Variants in EML6 observed in about 807,000 individuals in gnomAD.
EML6 encodes the protein EMAP like 6.
In EML6, 154 loss-of-function variants were observed where a neutral mutation model predicts 240.1. That is an observed-to-expected ratio of 0.64 (90% CI 0.56 to 0.73). The LOEUF (loss-of-function observed/expected upper bound fraction) is 0.73, where lower values mean the gene tolerates loss of function less well. Among genes scored for constraint, EML6 ranks in the 30% least tolerant of loss-of-function variants. EML6 has a pLI of 0.00. For missense variants in EML6, 2,964 were observed against 2,474.6 expected (o/e 1.20, Z -4.20); for synonymous variants, 1,148 against 899.0 (o/e 1.28, Z -4.95).
At chr2:54,898,188 C>T (rs1373241121) in intron 21 of EML6, among the ~76,000 whole-genome samples, 1 of 152,018 alleles carries the variant, frequency 6.6e-6, no homozygotes, top group Non-Finnish European at 1.5e-5. Context: ...GATCCTAAGC[C>T]CATTTCCTTG....
chr2:54,791,021 G>C (rs937313180), intron 2 of EML6, among the ~76,000 whole-genome samples: 14 of 152,188 alleles, frequency 9.2e-5, no homozygotes, highest in African/African-American at 3.1e-4. Context: ...CACCGCGCCC[G>C]GCCGGTAACT....
At chr2:54,916,962 C>T in intron 26 of EML6, 27 bp downstream of exon 26, 1 of 1,489,898 alleles carries the variant, frequency 6.7e-7, no homozygotes, top group Non-Finnish European at 9.1e-7. Context: ...ATTATCTTTA[C>T]TTGCTCAGTC....
chr2:54,823,528 C>A (rs530427791), intron 5 of EML6, among the ~76,000 whole-genome samples: 13 of 152,156 alleles, frequency 8.5e-5, no homozygotes, highest in African/African-American at 3.1e-4. Flanking sequence ...ATCACGGGTT[C>A]CTTAGCAATG....
At chr2:54,751,905 C>T (rs7568885) in intron 2 of EML6, among the ~76,000 whole-genome samples, 1 of 152,068 alleles carries the variant, frequency 6.6e-6, no homozygotes, top group South Asian at 2.1e-4. Flanking sequence ...GGGTGATAGG[C>T]CTTTGGGTTT....
chr2:54,872,589 T>C (rs979272166), intron 16 of EML6, among the ~76,000 whole-genome samples: 1 of 152,226 alleles, frequency 6.6e-6, no homozygotes. Context: ...GGATTCCCCT[T>C]GGTTGGCTGA....
In EML6 at chr2:54,892,531, C is replaced by T. The variant is rs1014447423; in HGVS notation, c.2617C>T (p.Arg873Ter). ...LETMMCVSYG[R>*]MEDLVFSGAA... is the part of the protein sequence containing the mutation. Reference sequence around the variant, plus strand: ...AACAATGATGTGTGTTTCTTACGGACGAATGGAAGATCTAGTGTTCTCAGG... The same window carrying T: ...AACAATGATGTGTGTTTCTTACGGATGAATGGAAGATCTAGTGTTCTCAGG... Residue 873 changes from arginine (R) to a stop codon, truncating the protein, a stop_gained, in exon 19 of 42, where the codon CGA becomes TGA. Coordinates refer to ENST00000356458, the MANE Select transcript of EML6 (RefSeq NM_001039753.4). LOFTEE classifies it high-confidence loss of function. 3.9e-6 allele frequency: 6 copies of T among 1,551,154 alleles called. No individual in the cohort carries two copies. The highest frequency in any genetic ancestry group is 3.5e-6 in the Non-Finnish European group (4 of 1,146,632).
chr2:54,954,246 A>G lies in EML6; in HGVS notation c.4486+90A>G. 4 of 1,173,282 alleles carry G rather than the reference A, an allele frequency of 3.4e-6. No homozygotes were observed. In the East Asian group the frequency reaches 1.0e-4, roughly 30 times the overall value. The allele number at this position is 1,173,282 out of a possible 1,614,324, so 72.7% of individuals were successfully genotyped here. On this transcript the variant is annotated intron_variant, in intron 32 of 41. Coordinates refer to ENST00000356458, the MANE Select transcript of EML6 (RefSeq NM_001039753.4). ...TCGAACCCAGATCTGCCTCACTCCGAAGCCTGCCGTAGGCACTGACTGCTG... is the reference window on the plus strand; with the variant it reads ...TCGAACCCAGATCTGCCTCACTCCGGAGCCTGCCGTAGGCACTGACTGCTG...
chr2:54,854,977 T>C (rs1473917450), intron 11 of EML6, among the ~76,000 whole-genome samples: 1 of 152,252 alleles, frequency 6.6e-6, no homozygotes, highest in Non-Finnish European at 1.5e-5. Flanking sequence ...TACTGGTCTC[T>C]AGTGTCAGAA....
At chr2:54,817,959 C>A (rs1668152538) in intron 4 of EML6, among the ~76,000 whole-genome samples, 1 of 151,844 alleles carries the variant, frequency 6.6e-6, no homozygotes, top group African/African-American at 2.4e-5. Flanking sequence ...AGGCCTGGTA[C>A]CCCTCTCGTC....
At chr2:54,814,538 CTG>C (rs2104060985) in intron 3 of EML6, among the ~76,000 whole-genome samples, 1 of 152,342 alleles carries the variant, frequency 6.6e-6, no homozygotes, top group East Asian at 1.9e-4. Context: ...CACCCTTCCT[CTG>C]TCTCTCTCAC....
In EML6 at chr2:54,964,581, G is replaced by A. The variant is rs1205409199; in HGVS notation, c.5341G>A (p.Asp1781Asn). 6.4e-7 allele frequency: 1 copy of A among 1,552,246 alleles called. No homozygotes were observed. Among genetic ancestry groups the A allele is most frequent in the Non-Finnish European group, 8.7e-7 (1 of 1,147,128 alleles). Residue 1781 changes from aspartate (D) to asparagine (N), a missense_variant, in exon 38 of 42, where the codon GAC (aspartate) becomes AAC (asparagine). By Grantham distance (23) the Asp-to-Asn change is conservative (BLOSUM62 1). Transcript: ENST00000356458. ...SAIQDIRISPDNRFLAVGSSE... is the reference protein window; with the variant it reads ...SAIQDIRISPNNRFLAVGSSE... ...GATTGCTTTTTCTAGAATCAGCCCA[G>A]ACAACCGATTCTTAGCCGTTGGTTC...
chr2:54,815,535 A>G (rs1344411083), intron 3 of EML6, among the ~76,000 whole-genome samples: 1 of 152,144 alleles, frequency 6.6e-6, no homozygotes, highest in Non-Finnish European at 1.5e-5. Context: ...CAGTGCCCCT[A>G]TTTGTGTTCA....
intron 2 of EML6, among the ~76,000 whole-genome samples, chr2:54,791,840 C>G (rs1486894934): frequency 1.3e-5 from 2 of 152,184 alleles, no homozygotes; most frequent in African/African-American, 4.8e-5. Flanking sequence ...TTTCTCCTCT[C>G]TGGCTTTGGT....
Position 54,928,334 on chromosome 2 carries a change from A to C in EML6, c.3697A>C (p.Lys1233Gln), listed in dbSNP as rs766528357. The change falls in exon 27 of 42, where the codon AAG (lysine) becomes CAG (glutamine). Residue 1233 changes from lysine to glutamine, a missense_variant. Coordinates refer to ENST00000356458, the MANE Select transcript of EML6 (RefSeq NM_001039753.4). ...PVKGQHARFK[K>Q]YVGHSAHVTN... ...ACAGGGACAGCACGCAAGATTCAAGAAGTATGTGGGGCACAGTGCACATGT... is the reference window on the plus strand; with the variant it reads ...ACAGGGACAGCACGCAAGATTCAAGCAGTATGTGGGGCACAGTGCACATGT... The C allele has an allele frequency of 5.8e-6, 9 of 1,552,078 alleles. No homozygotes were observed. The highest frequency in any genetic ancestry group is 7.8e-6 in the Non-Finnish European group (9 of 1,147,070).
chr2:54,966,490 C>A (rs1021869921), intron 38 of EML6, among the ~76,000 whole-genome samples: 1 of 152,168 alleles, frequency 6.6e-6, no homozygotes, highest in Non-Finnish European at 1.5e-5. Context: ...CCCAGAGCAC[C>A]GAGGTTCAGG....
chr2:54,800,018 A>G (rs1199904021), intron 2 of EML6, among the ~76,000 whole-genome samples: 1 of 152,072 alleles, frequency 6.6e-6, no homozygotes, highest in Non-Finnish European at 1.5e-5. Context: ...GGCTTGAGGC[A>G]GGTGGATCAT....
chr2:54,944,750 A>G (rs1007944733), intron 28 of EML6, among the ~76,000 whole-genome samples: 1 of 152,024 alleles, frequency 6.6e-6, no homozygotes, highest in South Asian at 2.1e-4. Flanking sequence ...AATCCTTTCC[A>G]TCACCCCATC....
intron 4 of EML6, among the ~76,000 whole-genome samples, chr2:54,818,532 C>T (rs1668181868): frequency 6.6e-6 from 1 of 152,238 alleles, no homozygotes; most frequent in Admixed American, 6.5e-5. Context: ...TATGCCTGCC[C>T]AGTTGCAGAG....
At chr2:54,840,393 G>A (rs1409432977) in intron 7 of EML6, among the ~76,000 whole-genome samples, 2 of 152,198 alleles carry the variant, frequency 1.3e-5, no homozygotes. Context: ...GTCTATATCT[G>A]TATACAATGT....
Sources: allele counts gnomAD v4.1 joint callset (sites outside exome capture counted in the v4.1 genomes callset), GRCh38; gene constraint gnomAD v4.1.1; transcripts MANE v1.5; gene names NCBI Gene and HGNC (gene_info 2026-07-23, HGNC 2026-07-21).